STPG2: variants seen among roughly 807,000 people sequenced by gnomAD.
The protein encoded by STPG2 is sperm tail PG-rich repeat containing 2, also known as sperm-tail PG-rich repeat-containing protein 2.
In STPG2, 56 loss-of-function variants were observed where a neutral mutation model predicts 54.2. The ratio of observed to expected loss-of-function variants is 1.03; its 90% CI spans 0.83 to 1.29. The LOEUF is 1.29. Ranked by LOEUF, STPG2 falls within the 50% of genes most tolerant of loss-of-function variation. The pLI is 0.00. For synonymous variants in STPG2, 200 were observed against 181.8 expected, an observed-to-expected ratio of 1.10 and a Z score of -0.81; for missense variants, 596 against 544.9, an observed-to-expected ratio of 1.09 and a Z score of -0.93.
chr4:97,838,137 A>C (rs1728685698), intron 9 of STPG2, among the ~76,000 whole-genome samples: 1 of 151,584 alleles, frequency 6.6e-6, no homozygotes, highest in South Asian at 2.1e-4. Context: ...AAATAATTTT[A>C]TCTGATGTAT....
intron 5 of STPG2, among the ~76,000 whole-genome samples, chr4:97,993,644 A>G (rs1735095986): frequency 6.6e-6 from 1 of 151,826 alleles, no homozygotes; most frequent in South Asian, 2.1e-4. Flanking sequence ...CTTGTGGGAT[A>G]GTATCAATAG....
chr4:98,013,580 CTTTTTTTTTTTTTTTT>C (rs34198207), intron 5 of STPG2, among the ~76,000 whole-genome samples: 7 of 74,584 alleles, frequency 9.4e-5, no homozygotes, highest in Admixed American at 7.8e-4. Flanking sequence ...TGGTCCTGGG[CTTTTTTTTTTTTTTTT>C]TTTTTTTTTT....
intron 9 of STPG2, among the ~76,000 whole-genome samples, chr4:97,830,754 A>T (rs1560544799): frequency 1.3e-5 from 2 of 152,184 alleles, no homozygotes; most frequent in African/African-American, 4.8e-5. Context: ...ACTTTAAACA[A>T]CAAAGGTCAA....
chr4:97,995,171 C>A (rs1183531146), intron 5 of STPG2, among the ~76,000 whole-genome samples: 15 of 131,500 alleles, frequency 1.1e-4, no homozygotes, highest in Non-Finnish European at 2.0e-4. Context: ...TGCCCCCTCA[C>A]CCCCCCACCC....
At chr4:97,550,516 G>A (rs1242287124) in intron 4 of STPG2, among the ~76,000 whole-genome samples, 3 of 152,094 alleles carry the variant, frequency 2.0e-5, no homozygotes, top group Non-Finnish European at 4.4e-5. Context: ...TCTTATGCTA[G>A]TTCTACATAT....
chr4:97,477,642 A>G (rs2148818735), intron 4 of STPG2, among the ~76,000 whole-genome samples: 2 of 144,570 alleles, frequency 1.4e-5, no homozygotes, highest in South Asian at 4.5e-4. Context: ...ATGCCCGGCT[A>G]ATTTTTTTTT....
intron 2 of STPG2, among the ~76,000 whole-genome samples, chr4:98,130,662 C>T (rs1327015618): frequency 6.6e-6 from 1 of 152,012 alleles, no homozygotes; most frequent in East Asian, 1.9e-4. Flanking sequence ...GTGGCTCACA[C>T]CTGTAATCCC....
intron 5 of STPG2, among the ~76,000 whole-genome samples, chr4:98,094,266 T>C (rs553685094): frequency 2.6e-4 from 40 of 152,274 alleles, no homozygotes; most frequent in African/African-American, 9.6e-4. Context: ...AGACACACCC[T>C]GGGCCAAAAG....
intron 4 of STPG2, among the ~76,000 whole-genome samples, chr4:97,451,982 T>C (rs1729381836): frequency 6.6e-6 from 1 of 152,034 alleles, no homozygotes; most frequent in Non-Finnish European, 1.5e-5. Flanking sequence ...CCATGGAGCC[T>C]GCAGGATCTG....
chr4:97,539,982 T>C (rs1488803845), intron 4 of STPG2, among the ~76,000 whole-genome samples: 1 of 152,156 alleles, frequency 6.6e-6, no homozygotes, highest in Non-Finnish European at 1.5e-5. Context: ...AAGCAGTGTG[T>C]AGAGGGAAAT....
At chr4:97,768,530 G>A (rs951553249) in intron 9 of STPG2, among the ~76,000 whole-genome samples, 6 of 152,158 alleles carry the variant, frequency 3.9e-5, no homozygotes, top group African/African-American at 1.2e-4. Context: ...TTTATGAAAG[G>A]AGAAACGTGC....
At chr4:97,483,582 T>C (rs1314202803) in intron 4 of STPG2, among the ~76,000 whole-genome samples, 1 of 151,672 alleles carries the variant, frequency 6.6e-6, no homozygotes, top group Non-Finnish European at 1.5e-5. Flanking sequence ...AAACAAATAC[T>C]ACTAGACCTA....
chr4:97,895,233 T>A (rs575790137), intron 8 of STPG2, among the ~76,000 whole-genome samples: 1 of 151,424 alleles, frequency 6.6e-6, no homozygotes, highest in South Asian at 2.1e-4. Flanking sequence ...GCTAAGATAT[T>A]ACCTTTGAAC....
intron 10 of STPG2, among the ~76,000 whole-genome samples, chr4:97,690,349 A>G (rs1193258451): frequency 7.2e-5 from 11 of 152,140 alleles, no homozygotes; most frequent in Non-Finnish European, 4.4e-5. Flanking sequence ...ATGTTACAAA[A>G]CTGTAGGCCA....
intron 10 of STPG2, among the ~76,000 whole-genome samples, chr4:97,639,932 A>G (rs897663424): frequency 1.1e-4 from 17 of 152,132 alleles, no homozygotes; most frequent in Admixed American, 4.6e-4. Context: ...AGGAGCTCTA[A>G]TATTCACATA....
intron 9 of STPG2, among the ~76,000 whole-genome samples, chr4:97,782,776 C>T (rs1321243757): frequency 2.0e-5 from 3 of 152,142 alleles, no homozygotes; most frequent in Admixed American, 1.3e-4. Context: ...AATAATATCA[C>T]ACATCTACAA....
chr4:97,933,629 C>T (rs1286633846), intron 8 of STPG2, among the ~76,000 whole-genome samples: 1 of 152,048 alleles, frequency 6.6e-6, no homozygotes, highest in African/African-American at 2.4e-5. Context: ...GAATTCTTTC[C>T]CCCTTGCCTG....
intron 4 of STPG2, among the ~76,000 whole-genome samples, chr4:97,508,512 TA>T (rs1043260917): frequency 6.6e-6 from 1 of 151,976 alleles, no homozygotes; most frequent in Non-Finnish European, 1.5e-5. Context: ...TATGTACAGG[TA>T]AAAAAATCAG....
chr4:97,934,815 T>G (rs1289844337), intron 8 of STPG2, among the ~76,000 whole-genome samples: 1 of 152,068 alleles, frequency 6.6e-6, no homozygotes, highest in Admixed American at 6.6e-5. Context: ...GCCTGAAGTT[T>G]TTTTGTTTTG....
Sources: allele counts gnomAD v4.1 joint callset (sites outside exome capture counted in the v4.1 genomes callset), GRCh38; gene constraint gnomAD v4.1.1; transcripts MANE v1.5; gene names NCBI Gene and HGNC (gene_info 2026-07-23, HGNC 2026-07-21).